The following MINDY3 variants were observed in gnomAD, a reference collection of about 807,000 sequenced individuals.
The protein encoded by MINDY3 is MINDY lysine 48 deubiquitinase 3.
In MINDY3, 38 loss-of-function variants were observed where a neutral mutation model predicts 69.2. That is an observed-to-expected ratio of 0.55 (90% CI 0.42 to 0.72). MINDY3 has a LOEUF of 0.72. Among genes scored for constraint, MINDY3 ranks in the 30% least tolerant of loss-of-function variants. MINDY3 has a pLI of 0.00. For synonymous variants in MINDY3, 192 were observed against 180.1 expected, an observed-to-expected ratio of 1.07 and a Z score of -0.53; for missense variants, 522 against 519.0, an observed-to-expected ratio of 1.01 and a Z score of -0.06.
intron 10 of MINDY3, among the ~76,000 whole-genome samples, chr10:15,802,667 T>C (rs1223726044): frequency 6.6e-6 from 1 of 152,156 alleles, no homozygotes; most frequent in Non-Finnish European, 1.5e-5. Flanking sequence ...GGGGAAATGA[T>C]AACAAACCCA....
chr10:15,855,611 G>GAACC (rs1834635218), intron 1 of MINDY3, among the ~76,000 whole-genome samples: 1 of 152,042 alleles, frequency 6.6e-6, no homozygotes, highest in South Asian at 2.1e-4. Context: ...CCTGAGCCAT[G>GAACC]AACCTCATCG....
intron 10 of MINDY3, among the ~76,000 whole-genome samples, chr10:15,812,908 C>T (rs1194272232): frequency 2.6e-5 from 4 of 152,206 alleles, no homozygotes; most frequent in African/African-American, 9.7e-5. Context: ...ATCACCCAGT[C>T]CTGTCATTCT....
intron 12 of MINDY3, chr10:15,788,896 C>A: frequency 6.2e-6 from 1 of 162,596 alleles, no homozygotes; most frequent in East Asian, 1.7e-4. Flanking sequence ...GGGCAACTAG[C>A]ACCATCTACA....
At chr10:15,794,651 G>A (rs544820382) in intron 11 of MINDY3, among the ~76,000 whole-genome samples, 262 of 152,056 alleles carry the variant, frequency 1.7e-3, no homozygotes, top group Non-Finnish European at 3.1e-3. Flanking sequence ...CTGAAAAATT[G>A]CACTGATTAT....
intron 10 of MINDY3, among the ~76,000 whole-genome samples, chr10:15,803,166 T>C (rs765443491): frequency 4.0e-4 from 61 of 152,270 alleles, no homozygotes; most frequent in Non-Finnish European, 7.1e-4. Context: ...AGAGATGTAA[T>C]CAGAAAGTTA....
intron 8 of MINDY3, 135 bp downstream of exon 8, chr10:15,833,495 T>C (rs1832868014): frequency 1.9e-6 from 1 of 527,348 alleles, no homozygotes; most frequent in Non-Finnish European, 3.3e-6. Context: ...CCTTGAAAAC[T>C]GTAAAGGATT....
chr10:15,829,548 A>C (rs1234236284), intron 8 of MINDY3, among the ~76,000 whole-genome samples: 1 of 152,204 alleles, frequency 6.6e-6, no homozygotes, highest in Non-Finnish European at 1.5e-5. Flanking sequence ...GTTGAGTACG[A>C]ACACAGAGGC....
chr10:15,794,289 CA>C (rs1332465841), intron 11 of MINDY3, among the ~76,000 whole-genome samples: 1 of 151,920 alleles, frequency 6.6e-6, no homozygotes, highest in East Asian at 1.9e-4. Flanking sequence ...CATCCTGAAA[CA>C]AAAGCATATC....
At chr10:15,835,177 T>C (rs977652813) in intron 6 of MINDY3, among the ~76,000 whole-genome samples, 2 of 152,094 alleles carry the variant, frequency 1.3e-5, no homozygotes, top group Non-Finnish European at 2.9e-5. Context: ...GGAAGTGCCT[T>C]CTTTTCTTAA....
At chr10:15,841,696 T>G (rs930476357) in intron 3 of MINDY3, 97 bp from the exon 4 acceptor site, 3 of 656,020 alleles carry the variant, frequency 4.6e-6, no homozygotes, top group Non-Finnish European at 7.1e-6. Flanking sequence ...ATGATGAAAA[T>G]CAAGCATTTT....
At chr10:15,792,107 T>TA (rs113589609) in intron 11 of MINDY3, among the ~76,000 whole-genome samples, 2,727 of 149,444 alleles carry the variant, frequency 0.018, 89 homozygotes, top group African/African-American at 0.062. Context: ...TCTTGGGAAT[T>TA]AAAAAAAAAA....
At chr10:15,837,963 T>C (rs1833200609) in intron 5 of MINDY3, 1 of 961,012 alleles carries the variant, frequency 1.0e-6, no homozygotes, top group Non-Finnish European at 1.2e-6. Flanking sequence ...TAAGCTAAAA[T>C]GATTTTTTTT....
chr10:15,850,189 T>C (rs887163739), intron 1 of MINDY3, among the ~76,000 whole-genome samples: 1 of 152,234 alleles, frequency 6.6e-6, no homozygotes, highest in African/African-American at 2.4e-5. Context: ...CTTTAATCTC[T>C]TAATCCCGTC....
chr10:15,783,349 C>T (rs1049923746), intron 13 of MINDY3, among the ~76,000 whole-genome samples: 1 of 152,148 alleles, frequency 6.6e-6, no homozygotes, highest in African/African-American at 2.4e-5. Context: ...GCTTAATCTA[C>T]CTTTTTAGTC....
intron 14 of MINDY3, among the ~76,000 whole-genome samples, chr10:15,781,495 G>A (rs1486854557): frequency 6.6e-6 from 1 of 151,626 alleles, no homozygotes; most frequent in Non-Finnish European, 1.5e-5. Context: ...GGAAATCAAT[G>A]CAGCCGAACT....
chr10:15,794,068 A>C (rs958010572), intron 11 of MINDY3, among the ~76,000 whole-genome samples: 15 of 152,196 alleles, frequency 9.9e-5, no homozygotes, highest in Admixed American at 3.3e-4. Context: ...GGGTTTATCA[A>C]CCAGGGGTGG....
At chr10:15,853,183 G>A (rs923637394) in intron 1 of MINDY3, among the ~76,000 whole-genome samples, 1 of 151,980 alleles carries the variant, frequency 6.6e-6, no homozygotes, top group Admixed American at 6.6e-5. Context: ...TAGACTGAAG[G>A]GTGTGAATTA....
chr10:15,790,910 C>A (rs560508244), intron 11 of MINDY3, among the ~76,000 whole-genome samples: 1 of 152,060 alleles, frequency 6.6e-6, no homozygotes, highest in Non-Finnish European at 1.5e-5. Flanking sequence ...GCAGCCTTTC[C>A]GCAGAAACCA....
At chr10:15,822,114 A>G (rs1234433223) in intron 8 of MINDY3, among the ~76,000 whole-genome samples, 1 of 152,202 alleles carries the variant, frequency 6.6e-6, no homozygotes. Flanking sequence ...TGAAAAACAA[A>G]TGGATATGCT....
Sources: allele counts gnomAD v4.1 joint callset (sites outside exome capture counted in the v4.1 genomes callset), GRCh38; gene constraint gnomAD v4.1.1; transcripts MANE v1.5; gene names NCBI Gene and HGNC (gene_info 2026-07-23, HGNC 2026-07-21).